Variants in HHAT observed in about 807,000 individuals in gnomAD.
The protein encoded by HHAT is hedgehog acyltransferase.
Under a neutral mutation model 70.8 loss-of-function variants are expected in HHAT, and 47 were observed. That is an observed-to-expected ratio of 0.66 (90% CI 0.53 to 0.85). The LOEUF (loss-of-function observed/expected upper bound fraction) is 0.85, where lower values mean the gene tolerates loss of function less well. Ranked by LOEUF, HHAT falls within the 40% of genes least tolerant of loss-of-function variation. The probability of loss-of-function intolerance (pLI) is 0.00; values close to 1 mark genes in which losing one functional copy is unlikely to be tolerated. For missense variants in HHAT, 609 were observed against 604.8 expected (o/e 1.01, Z -0.07); for synonymous variants, 228 against 247.6 (o/e 0.92, Z 0.74).
In HHAT at chr1:210,404,629, C is replaced by G; in HGVS notation, c.634C>G (p.Pro212Ala). 1.2e-6 allele frequency: 2 copies of G among 1,614,150 alleles called. No homozygotes were observed. The highest frequency in any genetic ancestry group is 1.7e-6 in the Non-Finnish European group (2 of 1,180,022). ...GATGCTGGCCTATGTCTTTTATTATCCAGTCTTACACAATGGGCCCATCCT... is the reference window on the plus strand; with the variant it reads ...GATGCTGGCCTATGTCTTTTATTATGCAGTCTTACACAATGGGCCCATCCT... Reference protein sequence around the residue: ...PWMLAYVFYYPVLHNGPILSF... With the variant: ...PWMLAYVFYYAVLHNGPILSF... The change falls in exon 6 of 12, where the codon CCA (proline) becomes GCA (alanine). Residue 212 changes from proline to alanine, a missense_variant. Transcript: ENST00000261458.
chr1:210,406,337 A>G (rs941327399), intron 6 of HHAT, among the ~76,000 whole-genome samples: 2 of 152,012 alleles, frequency 1.3e-5, no homozygotes, highest in Non-Finnish European at 2.9e-5. Context: ...CTTTGCCTGT[A>G]TGCTCTGTAC....
intron 10 of HHAT, among the ~76,000 whole-genome samples, chr1:210,596,753 A>G (rs1663097847): frequency 6.6e-6 from 1 of 152,056 alleles, no homozygotes; most frequent in Non-Finnish European, 1.5e-5. Flanking sequence ...AGTTTCCTCA[A>G]AGTAGCTATT....
intron 7 of HHAT, among the ~76,000 whole-genome samples, chr1:210,422,077 A>G (rs2092919358): frequency 6.6e-6 from 1 of 152,200 alleles, no homozygotes; most frequent in Non-Finnish European, 1.5e-5. Flanking sequence ...AGTTAAAAAA[A>G]TCTTTAGTTA....
At position 210,670,298 on chromosome 1, in the gene HHAT, C is replaced by T. The variant is rs147783879; in HGVS notation, c.1391-3990C>T. Among the ~76,000 whole-genome samples the T allele has an allele frequency of 2.9e-4, 44 of 152,330 alleles. No homozygotes were observed. The East Asian group carries it at 7.1e-3, about 25-fold the overall frequency. On this transcript the variant is annotated intron_variant, in intron 11 of 11. Transcript: ENST00000261458. ...CCCACAGTCAGAGACCTTGTGTCTA[C>T]AGGCCACCAACAAGAGAGAGTCAAT...
chr1:210,666,519 G>C (rs903552431), intron 11 of HHAT, among the ~76,000 whole-genome samples: 34 of 152,050 alleles, frequency 2.2e-4, no homozygotes, highest in African/African-American at 8.0e-4. Context: ...GGCTCACTCT[G>C]TTGCCCAGGC....
At chr1:210,611,426 T>G (rs1666563790) in intron 10 of HHAT, among the ~76,000 whole-genome samples, 1 of 152,150 alleles carries the variant, frequency 6.6e-6, no homozygotes, top group African/African-American at 2.4e-5. Flanking sequence ...TGATGGGGTT[T>G]TCTAAAGATA....
chr1:210,362,777 T>C, intron 2 of HHAT, 75 bp from the exon 3 acceptor site: 1 of 1,209,632 alleles, frequency 8.3e-7, no homozygotes, highest in South Asian at 1.2e-5. Context: ...TCCAATTCTT[T>C]CAGTGCTTCA....
chr1:210,615,372 G>T (rs564714117), intron 10 of HHAT, among the ~76,000 whole-genome samples: 1 of 152,096 alleles, frequency 6.6e-6, no homozygotes, highest in East Asian at 1.9e-4. Flanking sequence ...ACTTCTTTGC[G>T]ATGGGTTCGA....
At chr1:210,565,867 G>T (rs189135424) in intron 9 of HHAT, among the ~76,000 whole-genome samples, 1 of 152,198 alleles carries the variant, frequency 6.6e-6, no homozygotes, top group Admixed American at 6.5e-5. Context: ...CGCTAAGAGC[G>T]TGGAGGTATA....
intron 7 of HHAT, chr1:210,462,938 C>G (rs1301373555): frequency 6.6e-6 from 1 of 152,222 alleles, no homozygotes; most frequent in Non-Finnish European, 1.5e-5. Context: ...AGAAGATAAC[C>G]TGGTCTGCCA....
At chr1:210,662,409 AGTGACTTCT>A (rs1467897821) in intron 11 of HHAT, among the ~76,000 whole-genome samples, 1 of 152,238 alleles carries the variant, frequency 6.6e-6, no homozygotes, top group East Asian at 1.9e-4. Context: ...GTTTCAGGAA[AGTGACTTCT>A]GTGAGCTCAT....
At chr1:210,431,545 C>T (rs533465584) in intron 7 of HHAT, among the ~76,000 whole-genome samples, 3 of 152,020 alleles carry the variant, frequency 2.0e-5, no homozygotes, top group Admixed American at 2.0e-4. Flanking sequence ...ATGGGACAGT[C>T]TGTTATATTG....
intron 8 of HHAT, among the ~76,000 whole-genome samples, chr1:210,503,194 A>C (rs919141133): frequency 6.6e-6 from 1 of 152,146 alleles, no homozygotes; most frequent in Non-Finnish European, 1.5e-5. Context: ...TCCTGGCCTA[A>C]AGTGATTTGT....
chr1:210,605,262 A>G (rs1376194921), intron 10 of HHAT, among the ~76,000 whole-genome samples: 2 of 152,180 alleles, frequency 1.3e-5, no homozygotes, highest in African/African-American at 4.8e-5. Flanking sequence ...GAAGGTAAAT[A>G]ATTTATCTCA....
rs1036737833 is a variant in HHAT, at chr1:210,675,207, T to C, written c.*828T>C. ...CCTGGAGTCTTGTCCACCCTCTCCA[T>C]ACAAGTCTCAAAAGTCATCCTCCTA... On this transcript the variant is annotated 3_prime_UTR_variant, in exon 12 of 12. Transcript: ENST00000261458. 3 of 152,216 alleles carry C rather than the reference T, an allele frequency of 2.0e-5. No homozygotes were observed. Among genetic ancestry groups the C allele is most frequent in the African/African-American group, 4.8e-5 (2 of 41,464 alleles). 9.4% of individuals were successfully genotyped at this position (152,216 alleles called of 1,614,324 possible).
chr1:210,464,642 A>G lies in HHAT; in HGVS notation c.994A>G (p.Thr332Ala). 1 of 1,614,022 alleles carries G rather than the reference A, an allele frequency of 6.2e-7. No individual in the cohort carries two copies. Among genetic ancestry groups the G allele is most frequent in the Non-Finnish European group, 8.5e-7 (1 of 1,179,982 alleles). The part of the protein sequence containing the change: ...PRCVSTMFSF[T>A]GMWRYFDVGL... ...CTGCGTGAGCACCATGTTCAGTTTC[A>G]CCGGGATGTGGAGGTCAGGCGCTGG... is the stretch of plus-strand genomic sequence containing the variant. The change falls in exon 8 of 12, where the codon ACC becomes GCC. Residue 332 changes from threonine (T) to alanine (A), a missense_variant. Transcript: ENST00000261458.
chr1:210,588,153 G>A, intron 10 of HHAT, 54 bp downstream of exon 10: 1 of 1,427,278 alleles, frequency 7.0e-7, no homozygotes, highest in Non-Finnish European at 9.5e-7. Context: ...GGCAGATCAG[G>A]TTTATTAGGG....
intron 9 of HHAT, among the ~76,000 whole-genome samples, chr1:210,570,259 A>G (rs1218963290): frequency 1.3e-5 from 2 of 152,184 alleles, no homozygotes; most frequent in Non-Finnish European, 2.9e-5. Context: ...ATCCAGAGCC[A>G]TGGGAGGGGG....
At chr1:210,634,748 T>G (rs1185457661) in intron 11 of HHAT, among the ~76,000 whole-genome samples, 2 of 152,248 alleles carry the variant, frequency 1.3e-5, no homozygotes, top group Non-Finnish European at 2.9e-5. Context: ...CTTTTCTCAC[T>G]TTATGACCGC....
Sources: allele counts gnomAD v4.1 joint callset (sites outside exome capture counted in the v4.1 genomes callset), GRCh38; gene constraint gnomAD v4.1.1; transcripts MANE v1.5; gene names NCBI Gene and HGNC (gene_info 2026-07-23, HGNC 2026-07-21).